UGT2A3: variants seen among roughly 807,000 people sequenced by gnomAD.
UGT2A3 encodes the protein UDP glucuronosyltransferase family 2 member A3.
Under a neutral mutation model 44.1 loss-of-function variants are expected in UGT2A3, and 55 were observed. That is an observed-to-expected ratio of 1.25 (90% CI 1.00 to 1.56). The LOEUF is 1.56. UGT2A3 is among the 40% of genes most tolerant of loss of function. The pLI is 0.00. For synonymous variants in UGT2A3, 243 were observed against 215.1 expected, an observed-to-expected ratio of 1.13 and a Z score of -1.13; for missense variants, 733 against 621.6, an observed-to-expected ratio of 1.18 and a Z score of -1.91.
At position 68,951,155 on chromosome 4, in the gene UGT2A3, T is replaced by A. The variant is rs763870521; in HGVS notation, c.606A>T (p.Arg202Ser). ...VPVPMTGLTD[R>S]MTFLERVKNS... Reference sequence around the variant, plus strand: ...TTTTTACTCTTTCCAGAAAGGTCATTCTGTCTGTTAGTCCTGTCATAGGCA... The same window carrying A: ...TTTTTACTCTTTCCAGAAAGGTCATACTGTCTGTTAGTCCTGTCATAGGCA... Residue 202 changes from arginine to serine, a missense_variant, in exon 1 of 6, where the codon AGA becomes AGT. Coordinates refer to ENST00000251566, the MANE Select transcript of UGT2A3 (RefSeq NM_024743.4). The A allele has an allele frequency of 9.9e-6, 16 of 1,611,942 alleles. No individual in the cohort carries two copies. In the South Asian group the frequency reaches 1.8e-4, roughly 18 times the overall value.
At chr4:68,932,494 A>G in intron 3 of UGT2A3, 134 bp downstream of exon 3, 2 of 859,778 alleles carry the variant, frequency 2.3e-6, no homozygotes, top group Non-Finnish European at 3.5e-6. Context: ...AGTTATGCCC[A>G]TGTACACTAC....
intron 5 of UGT2A3, 44 bp downstream of exon 5, chr4:68,930,502 A>G (rs765785273): frequency 4.6e-6 from 7 of 1,511,388 alleles, no homozygotes; most frequent in East Asian, 2.3e-5. Context: ...ATAATGTATA[A>G]CATAGTCAAT....
At chr4:68,935,483 G>C (rs1225813918) in intron 2 of UGT2A3, among the ~76,000 whole-genome samples, 1 of 151,244 alleles carries the variant, frequency 6.6e-6, no homozygotes, top group African/African-American at 2.4e-5. Context: ...GTGTTAGAAG[G>C]AAAACTAACA....
At chr4:68,939,429 A>G (rs1345682125) in intron 2 of UGT2A3, among the ~76,000 whole-genome samples, 11 of 152,324 alleles carry the variant, frequency 7.2e-5, no homozygotes, top group Admixed American at 5.2e-4. Context: ...GACAAATCTG[A>G]CAAAATCAAG....
chr4:68,938,262 A>AT (rs937169277), intron 2 of UGT2A3, among the ~76,000 whole-genome samples: 6 of 152,104 alleles, frequency 3.9e-5, no homozygotes, highest in African/African-American at 1.4e-4. Flanking sequence ...AAAAAAGAGA[A>AT]TTTTAGACCA....
chr4:68,931,596 C>T (rs147969061), intron 3 of UGT2A3, among the ~76,000 whole-genome samples: 11 of 152,122 alleles, frequency 7.2e-5, no homozygotes, highest in African/African-American at 2.6e-4. Flanking sequence ...GTCATTTTAA[C>T]TCATGGAGCC....
In UGT2A3 at chr4:68,937,791, T is replaced by C. The variant is rs557153668; in HGVS notation, c.865-5032A>G. 4.6e-4 allele frequency among the ~76,000 whole-genome samples: 70 copies of C among 151,642 alleles called. 1 individual carries two copies. The highest frequency in any genetic ancestry group is 3.5e-3 in the East Asian group (18 of 5,160). On this transcript the variant is annotated intron_variant, in intron 2 of 5. Transcript: ENST00000251566. The stretch of plus-strand genomic sequence containing the variant: ...TCCAGGAGCTGGTTGTTTGAAAAGA[T>C]CAACAAAATAAATAGACCACTAGCA...
In UGT2A3 at chr4:68,950,933, C is replaced by T. The variant is rs1218357275; in HGVS notation, c.715+113G>A. On this transcript the variant is annotated intron_variant, in intron 1 of 5. Coordinates refer to ENST00000251566, the MANE Select transcript of UGT2A3 (RefSeq NM_024743.4). ...CTTTCTTTATGAAAAACAGCTACAA[C>T]ATTTTCTAAAAAAACTCATTGACCT... 11 of 723,606 alleles carry T rather than the reference C, an allele frequency of 1.5e-5. No individual in the cohort carries two copies. In the Admixed American group the frequency reaches 3.7e-4, roughly 24 times the overall value. The allele number at this position is 723,606 out of a possible 1,614,324, so 44.8% of individuals were successfully genotyped here. A position where few individuals can be genotyped will look rare whatever the true frequency, so the allele number is the denominator to read the frequency against.
chr4:68,945,429 A>G lies in UGT2A3; in HGVS notation c.741T>C (p.Thr247=), dbSNP rs770235885. ...ALGRPTTLCE[T]VGKAEIWLIR... ...TTAGCCATATCTCAGCTTTTCCCACAGTCTCACATAATGTAGTGGGCCTTC... is the reference window on the plus strand; with the variant it reads ...TTAGCCATATCTCAGCTTTTCCCACGGTCTCACATAATGTAGTGGGCCTTC... Residue 247 remains threonine (T), a synonymous_variant, in exon 2 of 6, where the codon ACT becomes ACC. Transcript: ENST00000251566. 1.2e-6 allele frequency: 2 copies of G among 1,610,676 alleles called. No individual in the cohort carries two copies. The highest frequency in any genetic ancestry group is 1.7e-6 in the Non-Finnish European group (2 of 1,178,020).
chr4:68,946,535 C>T (rs1354629583), intron 1 of UGT2A3, among the ~76,000 whole-genome samples: 2 of 151,642 alleles, frequency 1.3e-5, no homozygotes, highest in African/African-American at 4.8e-5. Flanking sequence ...CTGTGCCTCA[C>T]ATGCTGCCTG....
intron 1 of UGT2A3, among the ~76,000 whole-genome samples, chr4:68,948,939 C>T (rs1406466926): frequency 4.6e-5 from 7 of 151,800 alleles, no homozygotes; most frequent in Admixed American, 2.6e-4. Flanking sequence ...CTGGTTTCCT[C>T]CACTCATTGA....
chr4:68,934,086 A>G (rs998963936), intron 2 of UGT2A3, among the ~76,000 whole-genome samples: 1 of 152,050 alleles, frequency 6.6e-6, no homozygotes, highest in Non-Finnish European at 1.5e-5. Context: ...TCTAAAATAA[A>G]CCAATAAAAT....
chr4:68,933,938 CT>C (rs1310423876), intron 2 of UGT2A3, among the ~76,000 whole-genome samples: 1 of 151,936 alleles, frequency 6.6e-6, no homozygotes, highest in Non-Finnish European at 1.5e-5. Context: ...AGTGATTCAG[CT>C]CTGATATTAA....
chr4:68,948,681 TCTTATCATTTGTA>T (rs2109797205), intron 1 of UGT2A3, among the ~76,000 whole-genome samples: 1 of 151,930 alleles, frequency 6.6e-6, no homozygotes, highest in African/African-American at 2.4e-5. Context: ...GGTTATTTGT[TCTTATCATTTGTA>T]TGTACACTGG....
chr4:68,930,108 A>G lies in UGT2A3; in HGVS notation c.1305-16T>C. On this transcript the variant is annotated splice_polypyrimidine_tract_variant and intron_variant, in intron 5 of 5. Coordinates refer to ENST00000251566, the MANE Select transcript of UGT2A3 (RefSeq NM_024743.4). The stretch of plus-strand genomic sequence containing the variant: ...CTCTTTATAACTGGAAGGGAAAAAC[A>G]CACATAGAACTTAGAAAGTTGTAGT... 1 of 1,588,336 alleles carries G rather than the reference A, an allele frequency of 6.3e-7. No homozygotes were observed. Among genetic ancestry groups the G allele is most frequent in the Non-Finnish European group, 8.6e-7 (1 of 1,167,084 alleles).
At chr4:68,944,815 A>T (rs964570771) in intron 2 of UGT2A3, among the ~76,000 whole-genome samples, 1 of 151,780 alleles carries the variant, frequency 6.6e-6, no homozygotes, top group East Asian at 1.9e-4. Context: ...CATCACTATC[A>T]TTAAACACTT....
intron 2 of UGT2A3, among the ~76,000 whole-genome samples, chr4:68,934,287 C>T (rs893250924): frequency 2.0e-5 from 3 of 151,614 alleles, no homozygotes; most frequent in Non-Finnish European, 4.4e-5. Flanking sequence ...TCTACAACAA[C>T]GAACACACAC....
chr4:68,930,006 A>C lies in UGT2A3; in HGVS notation c.1391T>G (p.Phe464Cys). The C allele has an allele frequency of 6.2e-7, 1 of 1,613,610 alleles. No homozygotes were observed. Among genetic ancestry groups the C allele is most frequent in the Non-Finnish European group, 8.5e-7 (1 of 1,179,656 alleles). ...PLDRAVFWIE[F>C]VMRHKGAKHL... The stretch of plus-strand genomic sequence containing the variant: ...CTTGGCTCCTTTGTGGCGCATGACA[A>C]ACTCGATCCAGAAGACTGCTCGATC... Residue 464 changes from phenylalanine (F) to cysteine (C), a missense_variant, in exon 6 of 6, where the codon TTT becomes TGT. Coordinates refer to ENST00000251566, the MANE Select transcript of UGT2A3 (RefSeq NM_024743.4).
rs772753904 is a variant in UGT2A3 at position 68,948,430 on chromosome 4, C to CTTTTTCTTCTTTTTTTTTTTTTT, written c.715+2615_715+2616insAAAAAAAAAAAAAAGAAGAAAAA. The stretch of plus-strand genomic sequence containing the variant: ...TGGTTGGTTTAATTTTTTTTCTTTT[C>CTTTTTCTTCTTTTTTTTTTTTTT]TTTTTTTTCTTTTTTTTTTTTTTTT... On this transcript the variant is annotated intron_variant, in intron 1 of 5. Transcript: ENST00000251566. Among the ~76,000 whole-genome samples, 5 of 69,706 alleles carry CTTTTTCTTCTTTTTTTTTTTTTT rather than the reference C, an allele frequency of 7.2e-5. 2 individuals are homozygous for CTTTTTCTTCTTTTTTTTTTTTTT. Among genetic ancestry groups the CTTTTTCTTCTTTTTTTTTTTTTT allele is most frequent in the Non-Finnish European group, 3.6e-5 (1 of 27,436 alleles). 45.7% of individuals were successfully genotyped at this position (69,706 alleles called of 152,430 possible). A position where few individuals can be genotyped will look rare whatever the true frequency, so the allele number is the denominator to read the frequency against.
Sources: gnomAD v4.1 joint callset for allele counts (sites outside exome capture counted in the v4.1 genomes callset) on GRCh38, gnomAD v4.1.1 for gene constraint, MANE v1.5 for transcripts, NCBI Gene and HGNC (gene_info 2026-07-23, HGNC 2026-07-21) for gene names.